Variants in SLC1A1 observed in about 807,000 individuals in gnomAD.
SLC1A1 encodes the protein excitatory amino acid transporter 3.
SLC1A1 carries 43 observed loss-of-function variants against 53.3 expected under a neutral mutation model. The ratio of observed to expected loss-of-function variants is 0.81; its 90% CI spans 0.63 to 1.04. The LOEUF is 1.04. Among genes scored for constraint, SLC1A1 ranks in the 50% least tolerant of loss-of-function variants. SLC1A1 has a pLI of 0.00. For missense variants in SLC1A1, 748 were observed against 664.9 expected (o/e 1.12, Z -1.37); for synonymous variants, 307 against 243.2 (o/e 1.26, Z -2.44).
At chr9:4,531,269 C>T (rs1816459258) in intron 1 of SLC1A1, among the ~76,000 whole-genome samples, 1 of 152,174 alleles carries the variant, frequency 6.6e-6, no homozygotes, top group Non-Finnish European at 1.5e-5. Context: ...ATCGCCTCAC[C>T]CGGGAAGCAC....
rs185124720 is a variant in SLC1A1 at position 4,512,241 on chromosome 9, G to A, written c.91+21471G>A. Reference sequence around the variant, plus strand: ...TAAAATTCATATGGAGGCAGGGTGCGGTGGCTCACACCTGTAATCCCAGCA... The same window carrying A: ...TAAAATTCATATGGAGGCAGGGTGCAGTGGCTCACACCTGTAATCCCAGCA... On this transcript the variant is annotated intron_variant, in intron 1 of 11. Transcript: ENST00000262352. Among the ~76,000 whole-genome samples, 12 of 152,184 alleles carry A rather than the reference G, an allele frequency of 7.9e-5. No individual in the cohort carries two copies. The East Asian group carries it at 1.2e-3, about 15-fold the overall frequency.
chr9:4,490,880 T>C lies in SLC1A1; in HGVS notation c.91+110T>C, dbSNP rs12002726. On this transcript the variant is annotated intron_variant, in intron 1 of 11. Transcript: ENST00000262352. Reference sequence around the variant, plus strand: ...GCTGGCGCACTCCATGCAGGGTCCCTCGATGCCCCCTCGGCCTTAGCCTCG... The same window carrying C: ...GCTGGCGCACTCCATGCAGGGTCCCCCGATGCCCCCTCGGCCTTAGCCTCG... 0.76 allele frequency: 664,884 copies of C among 879,400 alleles called. 252,840 individuals are homozygous for C. Among genetic ancestry groups the C allele is most frequent in the Middle Eastern group, 0.84 (3,037 of 3,630 alleles). The allele number at this position is 879,400 out of a possible 1,614,324, so 54.5% of individuals were successfully genotyped here.
At chr9:4,501,098 C>T (rs1181036360) in intron 1 of SLC1A1, among the ~76,000 whole-genome samples, 1 of 152,058 alleles carries the variant, frequency 6.6e-6, no homozygotes, top group Admixed American at 6.5e-5. Flanking sequence ...AGTCCCTAAC[C>T]GTGTCCAACA....
chr9:4,551,118 C>T (rs1260067478), intron 2 of SLC1A1, among the ~76,000 whole-genome samples: 1 of 152,116 alleles, frequency 6.6e-6, no homozygotes, highest in Non-Finnish European at 1.5e-5. Flanking sequence ...AGAGGGTGAG[C>T]AGAATAAAGT....
chr9:4,528,616 A>T (rs913366948), intron 1 of SLC1A1, among the ~76,000 whole-genome samples: 1 of 152,146 alleles, frequency 6.6e-6, no homozygotes, highest in African/African-American at 2.4e-5. Context: ...AGATTTTCTT[A>T]TAGTTTGAGA....
chr9:4,543,096 T>C (rs145230214), intron 1 of SLC1A1, among the ~76,000 whole-genome samples: 180 of 152,336 alleles, frequency 1.2e-3, no homozygotes, highest in African/African-American at 4.3e-3. Flanking sequence ...GGTTCATCTA[T>C]TTGGTCTACT....
At chr9:4,541,531 G>C (rs1446138029) in intron 1 of SLC1A1, among the ~76,000 whole-genome samples, 1 of 152,154 alleles carries the variant, frequency 6.6e-6, no homozygotes, top group African/African-American at 2.4e-5. Context: ...AGGGAGGCTA[G>C]TCTATAATGA....
intron 1 of SLC1A1, among the ~76,000 whole-genome samples, chr9:4,520,943 G>A (rs763642346): frequency 6.6e-6 from 1 of 152,020 alleles, no homozygotes; most frequent in Non-Finnish European, 1.5e-5. Context: ...TCTCTTTTTT[G>A]TGTTTTTTAA....
intron 6 of SLC1A1, 113 bp from the exon 7 acceptor site, chr9:4,572,091 G>C: frequency 1.1e-6 from 1 of 899,430 alleles, no homozygotes; most frequent in Non-Finnish European, 1.9e-6. Context: ...GACTCTGCCT[G>C]GGAGATCACC....
chr9:4,586,471 C>T lies in SLC1A1; in HGVS notation c.*913C>T, dbSNP rs1468904818. 6.6e-6 allele frequency: 1 copy of T among 152,150 alleles called. No homozygotes were observed. The highest frequency in any genetic ancestry group is 1.5e-5 in the Non-Finnish European group (1 of 68,030). 9.4% of individuals were successfully genotyped at this position (152,150 alleles called of 1,614,324 possible). On this transcript the variant is annotated 3_prime_UTR_variant, in exon 12 of 12. Coordinates refer to ENST00000262352, the MANE Select transcript of SLC1A1 (RefSeq NM_004170.6). ...GTATTATGGTGATACTCCAAGGTGGCATAGCCATTCATTTACAACTTCCAG... is the reference window on the plus strand; with the variant it reads ...GTATTATGGTGATACTCCAAGGTGGTATAGCCATTCATTTACAACTTCCAG...
intron 1 of SLC1A1, among the ~76,000 whole-genome samples, chr9:4,528,310 T>A (rs187273289): frequency 6.6e-6 from 1 of 152,168 alleles, no homozygotes; most frequent in Non-Finnish European, 1.5e-5. Context: ...CAGTGGCTCA[T>A]GCCTGTAATC....
At chr9:4,491,945 G>C (rs1191392465) in intron 1 of SLC1A1, among the ~76,000 whole-genome samples, 1 of 152,200 alleles carries the variant, frequency 6.6e-6, no homozygotes, top group Non-Finnish European at 1.5e-5. Context: ...TGGGGATAGG[G>C]CATGGAAATG....
At chr9:4,558,679 T>C (rs1457054498) in intron 2 of SLC1A1, among the ~76,000 whole-genome samples, 1 of 152,150 alleles carries the variant, frequency 6.6e-6, no homozygotes, top group Non-Finnish European at 1.5e-5. Context: ...GGAACAATTA[T>C]CCACATAGAT....
At chr9:4,560,174 T>G (rs1256290116) in intron 2 of SLC1A1, 2 of 152,242 alleles carry the variant, frequency 1.3e-5, no homozygotes, top group African/African-American at 4.8e-5. Context: ...CAATAAAAGC[T>G]ATACACAATA....
At chr9:4,493,150 A>G (rs1820296723) in intron 1 of SLC1A1, among the ~76,000 whole-genome samples, 1 of 152,226 alleles carries the variant, frequency 6.6e-6, no homozygotes, top group African/African-American at 2.4e-5. Flanking sequence ...GAAAGTCACC[A>G]CTTAAAAATC....
intron 7 of SLC1A1, among the ~76,000 whole-genome samples, chr9:4,573,326 G>A (rs1396861376): frequency 6.6e-6 from 1 of 152,190 alleles, no homozygotes; most frequent in Non-Finnish European, 1.5e-5. Flanking sequence ...TAATACTGCA[G>A]AAACCTCAGC....
chr9:4,556,300 G>A lies in SLC1A1; in HGVS notation c.233-5149G>A, dbSNP rs998203595. On this transcript the variant is annotated intron_variant, in intron 2 of 11. Transcript: ENST00000262352. This position sits in a 1 kb window ranked among gnomAD's most constrained non-coding sequence, Gnocchi z 4.1. ...CTCCCAAAGTGCTGGGATTACCGGCGTGAGCCACTACGCCCCGCCCCTATC... is the reference window on the plus strand; with the variant it reads ...CTCCCAAAGTGCTGGGATTACCGGCATGAGCCACTACGCCCCGCCCCTATC... Among the ~76,000 whole-genome samples the A allele has an allele frequency of 3.9e-5, 6 of 152,136 alleles. No homozygotes were observed. Among genetic ancestry groups the A allele is most frequent in the Non-Finnish European group, 8.8e-5 (6 of 68,012 alleles).
At chr9:4,523,904 G>A (rs1816172221) in intron 1 of SLC1A1, among the ~76,000 whole-genome samples, 1 of 152,230 alleles carries the variant, frequency 6.6e-6, no homozygotes, top group East Asian at 1.9e-4. Flanking sequence ...ATAAAGTGGT[G>A]AGGCCAAGAT....
intron 1 of SLC1A1, among the ~76,000 whole-genome samples, chr9:4,542,731 T>A (rs1817126235): frequency 7.2e-5 from 11 of 152,218 alleles, no homozygotes. Context: ...AGGCAGTTTA[T>A]AAAGCAGGAA....
Sources: gnomAD v4.1 joint callset for allele counts (sites outside exome capture counted in the v4.1 genomes callset) on GRCh38, gnomAD v4.1.1 for gene constraint, Gnocchi (gnomAD v3.1) non-coding constraint, MANE v1.5 for transcripts, NCBI Gene and HGNC (gene_info 2026-07-23, HGNC 2026-07-21) for gene names.